PPP2R1B: variants seen among roughly 807,000 people sequenced by gnomAD.
PPP2R1B encodes the protein serine/threonine-protein phosphatase 2A 65 kDa regulatory subunit A beta isoform.
A neutral mutation model predicts 72.7 loss-of-function variants in PPP2R1B; 58 were observed. The observed-to-expected ratio is 0.80, with a 90% CI of 0.65 to 0.99. The LOEUF is 0.99. PPP2R1B is among the 50% of genes least tolerant of loss of function. The probability of loss-of-function intolerance (pLI) is 0.00; values close to 1 mark genes in which losing one functional copy is unlikely to be tolerated. For missense variants in PPP2R1B, 695 were observed against 733.6 expected (o/e 0.95, Z 0.61); for synonymous variants, 256 against 264.6 (o/e 0.97, Z 0.32).
chr11:111,707,614 G>A, the PPP2R1B span, among the ~76,000 whole-genome samples: 3 of 152,226 alleles, frequency 2.0e-5, no homozygotes, highest in Admixed American at 6.5e-5. Context: ...TTCACATTTT[G>A]AGTTTTAGTG....
chr11:111,748,644 T>A (rs555868298), intron 10 of PPP2R1B, among the ~76,000 whole-genome samples: 11 of 152,300 alleles, frequency 7.2e-5, no homozygotes, highest in East Asian at 3.9e-4. Context: ...GGAGCAGATT[T>A]ACACAGTCCT....
chr11:111,713,248 C>G, the PPP2R1B span, among the ~76,000 whole-genome samples: 1 of 152,178 alleles, frequency 6.6e-6, no homozygotes, highest in African/African-American at 2.4e-5. Context: ...CAGCTTCTCT[C>G]ATTCATAGAT....
At chr11:111,765,803 A>G in intron 1 of PPP2R1B, 1 of 473,668 alleles carries the variant, frequency 2.1e-6, no homozygotes, top group South Asian at 1.5e-5. Context: ...TCTACCCAAC[A>G]AGCCGAGCCA....
At chr11:111,693,943 C>T in the PPP2R1B span, among the ~76,000 whole-genome samples, 2 of 152,180 alleles carry the variant, frequency 1.3e-5, no homozygotes, top group Non-Finnish European at 2.9e-5. Flanking sequence ...GTGACCTTGA[C>T]CACGTTTCCT....
the PPP2R1B span, among the ~76,000 whole-genome samples, chr11:111,694,307 T>C: frequency 1.3e-5 from 2 of 152,196 alleles, no homozygotes; most frequent in Non-Finnish European, 2.9e-5. Context: ...TCACATATTC[T>C]CAATTGTCTC....
At chr11:111,728,101 G>T (rs1402639906) in intron 15 of PPP2R1B, 3 of 152,094 alleles carry the variant, frequency 2.0e-5, no homozygotes, top group Non-Finnish European at 4.4e-5. Flanking sequence ...ACCGGTGCCA[G>T]GGCTGACCTG....
intron 15 of PPP2R1B, chr11:111,729,001 TATC>T (rs1944088346): frequency 6.6e-6 from 1 of 152,262 alleles, no homozygotes; most frequent in African/African-American, 2.4e-5. Flanking sequence ...TTAAAGTTTC[TATC>T]ATCTCCCTTC....
intron 11 of PPP2R1B, among the ~76,000 whole-genome samples, chr11:111,746,450 A>T (rs2136058299): frequency 6.6e-6 from 1 of 152,292 alleles, no homozygotes; most frequent in South Asian, 2.1e-4. Flanking sequence ...CAGGGAAGGG[A>T]ACATCACACA....
intron 15 of PPP2R1B, chr11:111,727,342 A>G (rs1944006101): frequency 2.1e-6 from 1 of 465,342 alleles, no homozygotes; most frequent in Admixed American, 3.4e-5. Context: ...CCTAGGAAAG[A>G]AAAAGTCAGT....
chr11:111,702,671 T>C, the PPP2R1B span, among the ~76,000 whole-genome samples: 4 of 152,318 alleles, frequency 2.6e-5, no homozygotes, highest in East Asian at 7.7e-4. Context: ...AAGAGCATCA[T>C]GTCAGCTCAG....
At chr11:111,706,959 C>CAAAAAA in the PPP2R1B span, among the ~76,000 whole-genome samples, 1 of 52,082 alleles carries the variant, frequency 1.9e-5, no homozygotes. Flanking sequence ...GACTCCGTCT[C>CAAAAAA]AAAAAAAAAA....
chr11:111,708,403 A>T, the PPP2R1B span, among the ~76,000 whole-genome samples: 1 of 152,154 alleles, frequency 6.6e-6, no homozygotes, highest in African/African-American at 2.4e-5. Context: ...CATAAAAAAA[A>T]ATAAATAAAG....
chr11:111,705,386 G>C, the PPP2R1B span, among the ~76,000 whole-genome samples: 3 of 152,072 alleles, frequency 2.0e-5, no homozygotes, highest in East Asian at 5.8e-4. This position sits in a 1 kb window ranked among gnomAD's most constrained non-coding sequence, Gnocchi z 4.3. Context: ...ACTATCACTA[G>C]CCTTTACATT....
At position 111,760,995 on chromosome 11, in the gene PPP2R1B, C is replaced by T; in HGVS notation, c.363G>A (p.Val121=). Residue 121 remains valine, a synonymous_variant, in exon 4 of 15, where the codon GTG becomes GTA. Transcript: ENST00000527614. The part of the protein sequence containing the change: ...VEETVVRDKA[V]ESLRQISQEH... Reference sequence around the variant, plus strand: ...CCTGGGAGATCTGTCTCAGGGACTCCACAGCCTTGTCACGAACAACAGTCT... The same window carrying T: ...CCTGGGAGATCTGTCTCAGGGACTCTACAGCCTTGTCACGAACAACAGTCT... 1 of 1,614,192 alleles carries T rather than the reference C, an allele frequency of 6.2e-7. No homozygotes were observed. The highest frequency in any genetic ancestry group is 8.5e-7 in the Non-Finnish European group (1 of 1,180,038).
At chr11:111,751,930 T>C (rs1443670460) in intron 10 of PPP2R1B, among the ~76,000 whole-genome samples, 3 of 152,196 alleles carry the variant, frequency 2.0e-5, no homozygotes, top group African/African-American at 7.2e-5. Context: ...TGAGCCAAGA[T>C]TGCATCATTG....
At chr11:111,733,527 C>T (rs1460293989), downstream of PPP2R1B, among the ~76,000 whole-genome samples, 1 of 152,198 alleles carries the variant, frequency 6.6e-6, no homozygotes, top group Non-Finnish European at 1.5e-5. Flanking sequence ...TCCAGCTCCT[C>T]ACTCCCCAAA....
At chr11:111,704,669 C>T in the PPP2R1B span, among the ~76,000 whole-genome samples, 1 of 152,152 alleles carries the variant, frequency 6.6e-6, no homozygotes, top group Non-Finnish European at 1.5e-5. Flanking sequence ...GAGATGGGGC[C>T]ATATGGCAGC....
chr11:111,765,519 T>C (rs1463506127), intron 1 of PPP2R1B, 135 bp from the exon 2 acceptor site: 5 of 738,932 alleles, frequency 6.8e-6, no homozygotes, highest in Non-Finnish European at 1.1e-5. Flanking sequence ...GATTTTACTG[T>C]TAAGGAAGCT....
chr11:111,722,615 C>A, downstream of PPP2R1B: 2 of 1,553,176 alleles, frequency 1.3e-6, no homozygotes, highest in Non-Finnish European at 1.8e-6. This position sits in a 1 kb window ranked among gnomAD's most constrained non-coding sequence, Gnocchi z 4.4. Context: ...ATGACTGCAT[C>A]CTAGGTGACA....
Sources: allele counts gnomAD v4.1 joint callset (sites outside exome capture counted in the v4.1 genomes callset), GRCh38; gene constraint gnomAD v4.1.1; non-coding constraint Gnocchi (gnomAD v3.1); transcripts MANE v1.5; gene names NCBI Gene and HGNC (gene_info 2026-07-23, HGNC 2026-07-21).